TBCE: variants seen among roughly 807,000 people sequenced by gnomAD.
TBCE encodes tubulin folding cofactor E, also known as tubulin-specific chaperone E.
A neutral mutation model predicts 77.0 loss-of-function variants in TBCE; 53 were observed. The ratio of observed to expected loss-of-function variants is 0.69; its 90% confidence interval spans 0.55 to 0.87. TBCE has a LOEUF of 0.87. TBCE is among the 40% of genes least tolerant of loss of function. TBCE has a pLI of 0.00. For synonymous variants in TBCE, 235 were observed against 241.3 expected, an observed-to-expected ratio of 0.97 and a Z score of 0.24; for missense variants, 624 against 622.4, an observed-to-expected ratio of 1.00 and a Z score of -0.03.
intron 8 of TBCE, among the ~76,000 whole-genome samples, chr1:235,435,107 GT>G (rs11421145): frequency 8.4e-5 from 12 of 142,502 alleles, no homozygotes; most frequent in African/African-American, 3.1e-4. Context: ...TTTTTGTTTT[GT>G]TTTTTTTTTG....
intron 2 of TBCE, among the ~76,000 whole-genome samples, chr1:235,393,445 G>A (rs1678523770): frequency 6.6e-6 from 1 of 152,166 alleles, no homozygotes. Flanking sequence ...GGCTGAGGCA[G>A]GAGAATCGCT....
chr1:235,370,547 G>T (rs958594441), intron 1 of TBCE, among the ~76,000 whole-genome samples: 1 of 143,616 alleles, frequency 7.0e-6, no homozygotes, highest in African/African-American at 2.8e-5. Context: ...CACTGCACCC[G>T]GCATTTTTTT....
intron 3 of TBCE, chr1:235,413,806 G>GTAAA (rs985726649): frequency 3.4e-5 from 5 of 145,320 alleles, no homozygotes; most frequent in African/African-American, 5.1e-5. Context: ...AAATAAATAA[G>GTAAA]TAAATAAATA....
intron 5 of TBCE, among the ~76,000 whole-genome samples, chr1:235,420,744 G>A (rs1464418736): frequency 6.6e-6 from 1 of 152,148 alleles, no homozygotes; most frequent in Non-Finnish European, 1.5e-5. Flanking sequence ...GCCTCCCAGA[G>A]TGCTGGAATT....
At position 235,394,226 on chromosome 1, in the gene TBCE, C is replaced by T. The variant is rs140139014; in HGVS notation, c.101-7277C>T. On this transcript the variant is annotated intron_variant, in intron 2 of 16. Transcript: ENST00000642610. ...AGTAGCTGGAAATACAGGCGCCCACCACTACGCCCAGCTACTTTTTTGTAT... is the reference window on the plus strand; with the variant it reads ...AGTAGCTGGAAATACAGGCGCCCACTACTACGCCCAGCTACTTTTTTGTAT... 9.4e-3 allele frequency among the ~76,000 whole-genome samples: 1,432 copies of T among 152,070 alleles called. 15 individuals carry two copies. The highest frequency in any genetic ancestry group is 0.013 in the Non-Finnish European group (853 of 68,002).
chr1:235,446,797 A>C (rs1171092436), intron 15 of TBCE, among the ~76,000 whole-genome samples: 1 of 151,018 alleles, frequency 6.6e-6, no homozygotes, highest in East Asian at 2.0e-4. Flanking sequence ...TCCTGGGCTC[A>C]AGTGATCCTC....
In TBCE at chr1:235,434,233, C is replaced by G; in HGVS notation, c.690C>G (p.Gly230=). ...TGCGGTGTGTCGCGGGGTGCCCAGG[C>G]CTGGAGGAACTCTACCTTGAGTCTA... is the stretch of plus-strand genomic sequence containing the variant. ...EVLRCVAGCP[G]LEELYLESNN... The change falls in exon 8 of 17, where the codon GGC becomes GGG. Residue 230 remains glycine (G), a synonymous_variant. Transcript: ENST00000642610. The G allele has an allele frequency of 6.2e-7, 1 of 1,614,072 alleles. No individual in the cohort carries two copies. Among genetic ancestry groups the G allele is most frequent in the African/African-American group, 1.3e-5 (1 of 75,026 alleles).
chr1:235,403,113 T>C (rs1679215644), intron 3 of TBCE, among the ~76,000 whole-genome samples: 1 of 152,208 alleles, frequency 6.6e-6, no homozygotes, highest in African/African-American at 2.4e-5. Context: ...TGTTCAGAGC[T>C]GTTCAGGTTA....
chr1:235,439,015 T>A (rs546374695), intron 13 of TBCE, 93 bp downstream of exon 13: 1 of 1,570,734 alleles, frequency 6.4e-7, no homozygotes, highest in South Asian at 1.1e-5. Context: ...TCAGTGTTGC[T>A]TTTGCCCTTC....
Position 235,380,067 on chromosome 1 carries a change from A to C in TBCE, c.18A>C (p.Thr6=). 1 of 1,613,826 alleles carries C rather than the reference A, an allele frequency of 6.2e-7. No homozygotes were observed. The highest frequency in any genetic ancestry group is 8.5e-7 in the Non-Finnish European group (1 of 1,179,878). MSDTL[T]ADVIGRRVEV... ...ATATTATAATGAGTGACACTTTGAC[A>C]GCGGATGTCATTGGTCGAAGAGTTG... Residue 6 remains threonine, a synonymous_variant, in exon 2 of 17, where the codon ACA becomes ACC. Coordinates refer to ENST00000642610, the MANE Select transcript of TBCE (RefSeq NM_003193.5).
Position 235,441,853 on chromosome 1 carries a change from A to C in TBCE, c.1310A>C (p.Gln437Pro), listed in dbSNP as rs1681899246. The change falls in exon 14 of 17, where the codon CAA (glutamine) becomes CCA (proline). Residue 437 changes from glutamine to proline, a missense_variant. Coordinates refer to ENST00000642610, the MANE Select transcript of TBCE (RefSeq NM_003193.5). The part of the protein sequence containing the change: ...APEDWELKTQ[Q>P]PLMLKNQLLT... ...GAAGATTGGGAACTCAAAACACAGC[A>C]ACCACTTATGCTGAAAAACCAGCTA... 6.2e-7 allele frequency: 1 copy of C among 1,614,004 alleles called. No homozygotes were observed. The highest frequency in any genetic ancestry group is 1.3e-5 in the African/African-American group (1 of 74,932).
intron 3 of TBCE, among the ~76,000 whole-genome samples, chr1:235,413,620 G>A (rs1302119963): frequency 7.4e-5 from 11 of 149,492 alleles, no homozygotes; most frequent in South Asian, 2.1e-4. Context: ...TCAAGATTGC[G>A]CCACTGCACT....
intron 3 of TBCE, among the ~76,000 whole-genome samples, chr1:235,409,115 G>A (rs573490652): frequency 1.3e-5 from 2 of 150,764 alleles, no homozygotes; most frequent in Admixed American, 6.6e-5. Flanking sequence ...GAGCATCTTC[G>A]ATTCTATGTG....
chr1:235,428,718 A>G (rs921556120), intron 6 of TBCE, among the ~76,000 whole-genome samples: 3 of 151,204 alleles, frequency 2.0e-5, no homozygotes, highest in Non-Finnish European at 4.4e-5. Context: ...ATCTTGGCTC[A>G]CTGCAACCTC....
intron 6 of TBCE, 97 bp downstream of exon 6, chr1:235,427,336 G>C: frequency 5.4e-6 from 5 of 928,294 alleles, no homozygotes; most frequent in Non-Finnish European, 8.6e-6. Context: ...GGAGCCGGAA[G>C]GGTTAAGGCT....
intron 7 of TBCE, chr1:235,433,854 A>G (rs986708882): frequency 7.4e-5 from 19 of 257,368 alleles, no homozygotes; most frequent in African/African-American, 4.2e-4. Flanking sequence ...GGTGTGTAAC[A>G]TCAATTTACT....
chr1:235,376,598 G>T (rs1677312656), intron 1 of TBCE, among the ~76,000 whole-genome samples: 1 of 152,118 alleles, frequency 6.6e-6, no homozygotes, highest in Admixed American at 6.6e-5. Flanking sequence ...TTTGGGTAGT[G>T]CTGTGTCTCT....
intron 3 of TBCE, among the ~76,000 whole-genome samples, chr1:235,402,308 C>G (rs1177525708): frequency 6.6e-6 from 1 of 151,898 alleles, no homozygotes; most frequent in Non-Finnish European, 1.5e-5. Context: ...GTGATCCGCC[C>G]GCCTCAGCCT....
rs761646217 is a variant in TBCE at position 235,449,852 on chromosome 1, G to T, written c.*1090G>T. On this transcript the variant is annotated 3_prime_UTR_variant, in exon 17 of 17. Transcript: ENST00000642610. ...ATTCAAACTCTCAGTTACTACTACA[G>T]ATTTCTGAACTAGGCCAAGTTTTAA... 4.7e-5 allele frequency: 9 copies of T among 191,472 alleles called. No individual in the cohort carries two copies. The highest frequency in any genetic ancestry group is 8.8e-5 in the Non-Finnish European group (8 of 90,998). 11.9% of individuals were successfully genotyped at this position (191,472 alleles called of 1,614,324 possible).
Sources: allele counts gnomAD v4.1 joint callset (sites outside exome capture counted in the v4.1 genomes callset), GRCh38; gene constraint gnomAD v4.1.1; transcripts MANE v1.5; gene names NCBI Gene and HGNC (gene_info 2026-07-23, HGNC 2026-07-21).